PTCHD4: variants seen among roughly 807,000 people sequenced by gnomAD.
The protein encoded by PTCHD4 is patched domain containing 4.
Under a neutral mutation model 58.1 loss-of-function variants are expected in PTCHD4, and 33 were observed. The ratio of observed to expected loss-of-function variants is 0.57; its 90% confidence interval spans 0.43 to 0.76. PTCHD4 has a LOEUF of 0.76. Ranked by LOEUF, PTCHD4 falls within the 30% of genes least tolerant of loss-of-function variation. The pLI is 0.00. For missense variants in PTCHD4, 1,058 were observed against 1,027.1 expected, an observed-to-expected ratio of 1.03 and a Z score of -0.41; for synonymous variants, 478 against 409.6, an observed-to-expected ratio of 1.17 and a Z score of -2.02.
intron 1 of PTCHD4, among the ~76,000 whole-genome samples, chr6:48,104,563 C>A (rs1485730849): frequency 6.6e-6 from 1 of 152,176 alleles, no homozygotes; most frequent in Non-Finnish European, 1.5e-5. Flanking sequence ...AACTAACCAG[C>A]TAACATCATA....
chr6:47,999,049 G>A (rs1581995147), intron 4 of PTCHD4, among the ~76,000 whole-genome samples: 1 of 152,254 alleles, frequency 6.6e-6, no homozygotes, highest in East Asian at 1.9e-4. Context: ...AGATGCCAAG[G>A]AGACACAGTT....
chr6:48,062,027 G>T (rs1335336537), intron 3 of PTCHD4, among the ~76,000 whole-genome samples: 1 of 152,158 alleles, frequency 6.6e-6, no homozygotes, highest in South Asian at 2.1e-4. Context: ...TCTGAAACAG[G>T]TCTGGGCAAA....
chr6:48,016,936 A>G (rs1162038089), intron 3 of PTCHD4, among the ~76,000 whole-genome samples: 1 of 152,214 alleles, frequency 6.6e-6, no homozygotes, highest in Non-Finnish European at 1.5e-5. Flanking sequence ...GCAAGATAAT[A>G]TGACAGCACA....
intron 3 of PTCHD4, among the ~76,000 whole-genome samples, chr6:48,016,033 AAAC>A (rs144326507): frequency 0.12 from 18,698 of 151,930 alleles, 1,507 homozygotes; most frequent in South Asian, 0.2. Flanking sequence ...TACAGAAAAG[AAAC>A]AACAACATCT....
At chr6:48,037,269 T>C (rs750673220) in intron 3 of PTCHD4, among the ~76,000 whole-genome samples, 1 of 152,182 alleles carries the variant, frequency 6.6e-6, no homozygotes, top group Non-Finnish European at 1.5e-5. Flanking sequence ...GTCAATATAT[T>C]ATTGTGCCTC....
rs993704992 is a variant in PTCHD4 at position 47,875,642 on chromosome 6, T to C, written c.*2661A>G. On this transcript the variant is annotated 3_prime_UTR_variant, in exon 5 of 5. Coordinates refer to ENST00000339488, the MANE Select transcript of PTCHD4 (RefSeq NM_001384253.1). ...TCGAACAATGAGAAATTCATATTTA[T>C]CTTAGACACTTTGATCCTTGAAGAC... Among the ~76,000 whole-genome samples, 1 of 151,866 alleles carries C rather than the reference T, an allele frequency of 6.6e-6. No homozygotes were observed. Among genetic ancestry groups the C allele is most frequent in the African/African-American group, 2.4e-5 (1 of 41,400 alleles).
At chr6:48,056,799 A>G (rs753690689) in intron 3 of PTCHD4, among the ~76,000 whole-genome samples, 1 of 152,104 alleles carries the variant, frequency 6.6e-6, no homozygotes, top group Non-Finnish European at 1.5e-5. Context: ...CTGGCTGATG[A>G]TCACTGCTGT....
intron 3 of PTCHD4, among the ~76,000 whole-genome samples, chr6:48,048,573 G>A (rs1303568535): frequency 1.3e-5 from 2 of 151,854 alleles, no homozygotes; most frequent in South Asian, 2.1e-4. Context: ...TGTGGAGGAT[G>A]GCCTCTGTGA....
chr6:48,039,522 C>T (rs916725296), intron 3 of PTCHD4, among the ~76,000 whole-genome samples: 12 of 152,028 alleles, frequency 7.9e-5, no homozygotes, highest in African/African-American at 2.7e-4. Context: ...ATGTTTTAAC[C>T]TTGGTGGTGT....
intron 4 of PTCHD4, among the ~76,000 whole-genome samples, chr6:47,895,309 G>GT (rs1310662917): frequency 3.9e-5 from 6 of 152,012 alleles, no homozygotes; most frequent in African/African-American, 9.7e-5. Context: ...AAACTCTAGG[G>GT]TTTTTTTCAG....
intron 3 of PTCHD4, among the ~76,000 whole-genome samples, chr6:48,035,824 T>C (rs1036799962): frequency 5.3e-5 from 8 of 152,274 alleles, no homozygotes; most frequent in Admixed American, 2.0e-4. Context: ...TTGCCACTGA[T>C]GTTTCCTCTT....
At chr6:48,055,717 G>A (rs1314877129) in intron 3 of PTCHD4, among the ~76,000 whole-genome samples, 6 of 152,226 alleles carry the variant, frequency 3.9e-5, no homozygotes, top group Non-Finnish European at 5.9e-5. Context: ...CATTAAACTA[G>A]TTCAAACCCT....
At chr6:47,924,979 T>A (rs1016253561) in intron 4 of PTCHD4, among the ~76,000 whole-genome samples, 32 of 149,698 alleles carry the variant, frequency 2.1e-4, no homozygotes, top group African/African-American at 7.1e-4. Flanking sequence ...TATATACATT[T>A]TATATATATG....
intron 1 of PTCHD4, among the ~76,000 whole-genome samples, chr6:48,071,708 C>T (rs1764978824): frequency 6.6e-6 from 1 of 152,074 alleles, no homozygotes; most frequent in African/African-American, 2.4e-5. Context: ...CTTTTCCTTA[C>T]TTTTTACCTC....
rs1443532291 is a variant in PTCHD4, at chr6:47,873,523, C to T, written c.*4780G>A. ...GTAATTTACTGCTGCTATACCCATACACAGTCCCTCCCCTGCTGGATCTCA... is the reference window on the plus strand; with the variant it reads ...GTAATTTACTGCTGCTATACCCATATACAGTCCCTCCCCTGCTGGATCTCA... On this transcript the variant is annotated 3_prime_UTR_variant, in exon 5 of 5. Transcript: ENST00000339488. Among the ~76,000 whole-genome samples the T allele has an allele frequency of 6.6e-6, 1 of 151,752 alleles. No individual in the cohort carries two copies. The highest frequency in any genetic ancestry group is 1.5e-5 in the Non-Finnish European group (1 of 67,820).
At chr6:48,081,941 G>A (rs1765176756) in intron 1 of PTCHD4, among the ~76,000 whole-genome samples, 1 of 152,162 alleles carries the variant, frequency 6.6e-6, no homozygotes, top group Non-Finnish European at 1.5e-5. Flanking sequence ...GAGGTCCAGG[G>A]TTTAGGAGTT....
chr6:48,059,597 C>T (rs1383330014), intron 3 of PTCHD4, among the ~76,000 whole-genome samples: 1 of 152,016 alleles, frequency 6.6e-6, no homozygotes, highest in Admixed American at 6.6e-5. Context: ...CGAGATCACG[C>T]CACTGCACTC....
intron 4 of PTCHD4, among the ~76,000 whole-genome samples, chr6:48,002,655 T>C (rs891253226): frequency 6.6e-6 from 1 of 152,066 alleles, no homozygotes; most frequent in Non-Finnish European, 1.5e-5. Context: ...ATATACCTAA[T>C]GTTAAATGAC....
chr6:47,888,854 G>A (rs1165507937), intron 4 of PTCHD4, among the ~76,000 whole-genome samples: 3 of 124,852 alleles, frequency 2.4e-5, no homozygotes, highest in East Asian at 2.4e-4. Context: ...TCCCCTTCCT[G>A]TGTCCATGTG....
Sources: allele counts gnomAD v4.1 joint callset (sites outside exome capture counted in the v4.1 genomes callset), GRCh38; gene constraint gnomAD v4.1.1; transcripts MANE v1.5; gene names NCBI Gene and HGNC (gene_info 2026-07-23, HGNC 2026-07-21).